Variants in CTNNA3 observed in about 807,000 individuals in gnomAD.
The protein encoded by CTNNA3 is catenin alpha-3.
In CTNNA3, 76 loss-of-function variants were observed where a neutral mutation model predicts 95.7. That is an observed-to-expected ratio of 0.79 (90% CI 0.66 to 0.96). The LOEUF (loss-of-function observed/expected upper bound fraction) is 0.96, where lower values mean the gene tolerates loss of function less well. CTNNA3 is among the 40% of genes least tolerant of loss of function. The pLI is 0.00. For synonymous variants in CTNNA3, 431 were observed against 374.4 expected (o/e 1.15, Z -1.74); for missense variants, 1,191 against 1,089.8 (o/e 1.09, Z -1.31).
At chr10:67,097,675 A>T (rs533757660) in intron 7 of CTNNA3, 2 of 1,612,780 alleles carry the variant, frequency 1.2e-6, no homozygotes, top group Non-Finnish European at 1.7e-6. Flanking sequence ...CTTCTCTCCC[A>T]TAAGTCCTTT....
At chr10:66,555,652 A>AT (rs1842367431) in intron 10 of CTNNA3, among the ~76,000 whole-genome samples, 1 of 151,906 alleles carries the variant, frequency 6.6e-6, no homozygotes, top group Non-Finnish European at 1.5e-5. Context: ...TTTAAGCAAT[A>AT]TTTTTTCCAG....
In CTNNA3 at chr10:66,318,963, C is replaced by T. The variant is rs772737084; in HGVS notation, c.1733-38342G>A. ...CTTTCCCTATTACTTTAAGAGCACT[C>T]GTTCACGCATTGCAAGCCCTTGAGT... On this transcript the variant is annotated intron_variant, in intron 12 of 17. Coordinates refer to ENST00000433211, the MANE Select transcript of CTNNA3 (RefSeq NM_013266.4). Among the ~76,000 whole-genome samples, 14 of 151,646 alleles carry T rather than the reference C, an allele frequency of 9.2e-5. 1 individual carries two copies. Among genetic ancestry groups the T allele is most frequent in the South Asian group, 2.1e-4 (1 of 4,808 alleles).
intron 11 of CTNNA3, among the ~76,000 whole-genome samples, chr10:66,488,879 T>C (rs1252404934): frequency 1.3e-5 from 2 of 151,766 alleles, no homozygotes; most frequent in African/African-American, 4.8e-5. Flanking sequence ...GAACTTTACA[T>C]GCAAGGACAT....
intron 6 of CTNNA3, among the ~76,000 whole-genome samples, chr10:67,184,562 G>A (rs1191770004): frequency 1.3e-5 from 2 of 152,166 alleles, no homozygotes; most frequent in African/African-American, 4.8e-5. Context: ...GTTGGCTATT[G>A]TTTGTGCTGT....
At chr10:66,925,225 T>G (rs1253965256) in intron 7 of CTNNA3, among the ~76,000 whole-genome samples, 1 of 152,202 alleles carries the variant, frequency 6.6e-6, no homozygotes, top group South Asian at 2.1e-4. Flanking sequence ...TCCCCAAGTC[T>G]GTTTCCTCAT....
At chr10:67,390,282 T>C (rs1332081898) in intron 5 of CTNNA3, among the ~76,000 whole-genome samples, 2 of 152,012 alleles carry the variant, frequency 1.3e-5, no homozygotes, top group East Asian at 1.9e-4. Context: ...AACACCTCTA[T>C]GCAAATAAAC....
At chr10:66,717,687 A>C (rs1848497162) in intron 9 of CTNNA3, among the ~76,000 whole-genome samples, 1 of 152,124 alleles carries the variant, frequency 6.6e-6, no homozygotes, top group Non-Finnish European at 1.5e-5. Context: ...ATGAGATGGT[A>C]CTCATCCAGC....
intron 5 of CTNNA3, among the ~76,000 whole-genome samples, chr10:67,488,959 C>T (rs1327568211): frequency 6.6e-6 from 1 of 152,210 alleles, no homozygotes; most frequent in African/African-American, 2.4e-5. Context: ...TGGTCTCGAA[C>T]TCCTGAGCTC....
intron 9 of CTNNA3, among the ~76,000 whole-genome samples, chr10:66,759,022 T>G (rs1353277837): frequency 6.6e-6 from 1 of 152,204 alleles, no homozygotes; most frequent in Non-Finnish European, 1.5e-5. Context: ...TTTTGACCTG[T>G]TAATGTTGCT....
chr10:67,160,045 TA>T (rs983615431), intron 7 of CTNNA3, among the ~76,000 whole-genome samples: 1 of 150,902 alleles, frequency 6.6e-6, no homozygotes, highest in African/African-American at 2.4e-5. Context: ...AATAACCCAA[TA>T]AAAAAAATGG....
intron 7 of CTNNA3, among the ~76,000 whole-genome samples, chr10:66,920,037 G>A (rs1846709037): frequency 6.6e-6 from 1 of 152,152 alleles, no homozygotes; most frequent in African/African-American, 2.4e-5. Context: ...AAGAAATACT[G>A]AGGAATGTTT....
chr10:66,843,107 G>A lies in CTNNA3; in HGVS notation c.1048-67583C>T, dbSNP rs538123734. The stretch of plus-strand genomic sequence containing the variant: ...CAATACCCTGTGTAAGCAAAAGGAC[G>A]TGGATGTAGATTGGCAGAGAAACAG... On this transcript the variant is annotated intron_variant, in intron 7 of 17. Coordinates refer to ENST00000433211, the MANE Select transcript of CTNNA3 (RefSeq NM_013266.4). 1.4e-4 allele frequency among the ~76,000 whole-genome samples: 21 copies of A among 152,294 alleles called. 1 individual carries two copies. Among genetic ancestry groups the A allele is most frequent in the African/African-American group, 2.4e-4 (10 of 41,566 alleles).
Position 66,488,299 on chromosome 10 carries a change from T to C in CTNNA3, c.1531+32318A>G, listed in dbSNP as rs377626350. Among the ~76,000 whole-genome samples, 474 of 152,286 alleles carry C rather than the reference T, an allele frequency of 3.1e-3. 1 individual carries two copies. The highest frequency in any genetic ancestry group is 0.011 in the African/African-American group (460 of 41,580). ...GATAAGAACCTAGAAATCTCCCTCA[T>C]GCATGGACATAGATGAGTTAGAGAT... On this transcript the variant is annotated intron_variant, in intron 11 of 17. Transcript: ENST00000433211.
At chr10:66,387,467 A>G (rs774238856) in intron 11 of CTNNA3, among the ~76,000 whole-genome samples, 9 of 152,204 alleles carry the variant, frequency 5.9e-5, no homozygotes, top group Non-Finnish European at 8.8e-5. Flanking sequence ...CAGGATGTGG[A>G]GAAACAGGAA....
At chr10:67,695,560 T>A (rs1043519604) in intron 1 of CTNNA3, among the ~76,000 whole-genome samples, 1 of 152,226 alleles carries the variant, frequency 6.6e-6, no homozygotes, top group Non-Finnish European at 1.5e-5. Context: ...TTTGCCATTA[T>A]CTCACTTGAA....
intron 1 of CTNNA3, among the ~76,000 whole-genome samples, chr10:67,703,732 C>A (rs1419371517): frequency 6.6e-6 from 1 of 152,184 alleles, no homozygotes; most frequent in Non-Finnish European, 1.5e-5. Context: ...GGGATGCCCT[C>A]TCTCACCACT....
intron 1 of CTNNA3, among the ~76,000 whole-genome samples, chr10:67,755,816 A>G (rs1230650790): frequency 6.6e-6 from 1 of 150,928 alleles, no homozygotes; most frequent in Admixed American, 6.6e-5. Flanking sequence ...AAAAAAAAAA[A>G]AAAAAAGAAA....
intron 7 of CTNNA3, among the ~76,000 whole-genome samples, chr10:67,113,649 G>A (rs1859020026): frequency 1.3e-5 from 2 of 152,106 alleles, no homozygotes; most frequent in South Asian, 4.1e-4. Context: ...CAGTACAGTG[G>A]TATGATAATA....
chr10:67,532,662 C>T (rs865828571), intron 4 of CTNNA3, among the ~76,000 whole-genome samples: 7 of 152,038 alleles, frequency 4.6e-5, no homozygotes, highest in African/African-American at 1.7e-4. Flanking sequence ...ATAAGTACAA[C>T]ATTTCACTCC....
Sources: allele counts gnomAD v4.1 joint callset (sites outside exome capture counted in the v4.1 genomes callset), GRCh38; gene constraint gnomAD v4.1.1; transcripts MANE v1.5; gene names NCBI Gene and HGNC (gene_info 2026-07-23, HGNC 2026-07-21).